JAK2: variants seen among roughly 807,000 people sequenced by gnomAD.
JAK2 encodes the protein Janus kinase 2, also known as tyrosine-protein kinase JAK2.
A neutral mutation model predicts 139.3 loss-of-function variants in JAK2; 86 were observed. The ratio of observed to expected loss-of-function variants is 0.62; its 90% CI spans 0.52 to 0.74. The LOEUF (loss-of-function observed/expected upper bound fraction) is 0.74, where lower values mean the gene tolerates loss of function less well. Among genes scored for constraint, JAK2 ranks in the 30% least tolerant of loss-of-function variants. The pLI, the probability that JAK2 is intolerant of heterozygous loss-of-function variation, is 0.00. For synonymous variants in JAK2, 490 were observed against 437.7 expected (o/e 1.12, Z -1.49); for missense variants, 1,421 against 1,360.3 (o/e 1.04, Z -0.70).
chr9:4,995,531 G>A (rs559668274), intron 2 of JAK2, among the ~76,000 whole-genome samples: 21 of 152,308 alleles, frequency 1.4e-4, no homozygotes, highest in African/African-American at 4.8e-4. Context: ...CTCTGCTGCT[G>A]TGAAATGCTG....
chr9:4,988,334 G>A (rs1026532664), intron 2 of JAK2, among the ~76,000 whole-genome samples: 4 of 152,170 alleles, frequency 2.6e-5, no homozygotes, highest in African/African-American at 9.6e-5. Flanking sequence ...ATTTTCAGAG[G>A]TTGCTCCGAT....
chr9:5,123,711 T>G (rs754851476), intron 23 of JAK2, among the ~76,000 whole-genome samples: 5 of 151,928 alleles, frequency 3.3e-5, no homozygotes, highest in African/African-American at 7.2e-5. Flanking sequence ...TATTTAGGTC[T>G]CTGAGAAATC....
At chr9:5,037,317 G>C (rs574996657) in intron 4 of JAK2, among the ~76,000 whole-genome samples, 1 of 152,244 alleles carries the variant, frequency 6.6e-6, no homozygotes, top group East Asian at 1.9e-4. Context: ...CAGGGATCTA[G>C]AACTAGAAAT....
At chr9:5,004,001 TAA>T (rs1821101354) in intron 2 of JAK2, among the ~76,000 whole-genome samples, 4 of 152,156 alleles carry the variant, frequency 2.6e-5, no homozygotes, top group Admixed American at 2.6e-4. Flanking sequence ...ATTGACTATT[TAA>T]AAAATTTTTT....
At chr9:5,067,496 G>T (rs1374400605) in intron 10 of JAK2, among the ~76,000 whole-genome samples, 2 of 151,974 alleles carry the variant, frequency 1.3e-5, no homozygotes, top group East Asian at 1.9e-4. Context: ...TTTATAAAAT[G>T]CAACTTATAT....
Position 5,055,705 on chromosome 9 carries a change from G to A in JAK2, c.973G>A (p.Asp325Asn). The A allele has an allele frequency of 6.3e-7, 1 of 1,585,456 alleles. No homozygotes were observed. The highest frequency in any genetic ancestry group is 8.7e-7 in the Non-Finnish European group (1 of 1,155,450). Reference sequence around the variant, plus strand: ...ATATTGCGATTTTCCTAATATTATTGATGTCAGTATTAAGCAAGCAAACCA... The same window carrying A: ...ATATTGCGATTTTCCTAATATTATTAATGTCAGTATTAAGCAAGCAAACCA... ...QLYCDFPNII[D>N]VSIKQANQEG... is the part of the protein sequence containing the mutation. Residue 325 changes from aspartate (D) to asparagine (N), a missense_variant, in exon 8 of 25, where the codon GAT becomes AAT. By Grantham distance (23) the Asp-to-Asn change is conservative (BLOSUM62 1). Coordinates refer to ENST00000381652, the MANE Select transcript of JAK2 (RefSeq NM_004972.4).
chr9:5,112,018 C>A, intron 22 of JAK2: 1 of 402,390 alleles, frequency 2.5e-6, no homozygotes, highest in Non-Finnish European at 5.0e-6. Context: ...TAGCCTGGAG[C>A]AGGAGTCCCT....
At chr9:5,039,355 A>G (rs147531329) in intron 4 of JAK2, among the ~76,000 whole-genome samples, 68 of 152,280 alleles carry the variant, frequency 4.5e-4, no homozygotes, top group African/African-American at 1.5e-3. Context: ...AGAATACGGT[A>G]TAACAACTAT....
At chr9:5,047,835 A>G (rs1206127308) in intron 5 of JAK2, among the ~76,000 whole-genome samples, 1 of 152,054 alleles carries the variant, frequency 6.6e-6, no homozygotes, top group Non-Finnish European at 1.5e-5. Context: ...ACCTGGCTTC[A>G]AATGATCCTC....
chr9:5,067,356 A>G (rs747774249), intron 10 of JAK2, among the ~76,000 whole-genome samples: 7 of 152,176 alleles, frequency 4.6e-5, no homozygotes, highest in African/African-American at 1.2e-4. Flanking sequence ...GATCTCATCT[A>G]TGATTATATA....
intron 22 of JAK2, among the ~76,000 whole-genome samples, chr9:5,116,626 T>C (rs984793003): frequency 6.6e-6 from 1 of 152,190 alleles, no homozygotes; most frequent in Non-Finnish European, 1.5e-5. Context: ...TTATACTTAA[T>C]GAATACAAGC....
intron 2 of JAK2, among the ~76,000 whole-genome samples, chr9:5,016,405 G>A (rs60552198): frequency 0.089 from 13,504 of 152,206 alleles, 1,760 homozygotes; most frequent in African/African-American, 0.29. Context: ...GTATGTGTGT[G>A]TGTTGAGGGC....
At chr9:5,041,931 C>G (rs959699760) in intron 4 of JAK2, 1 of 389,554 alleles carries the variant, frequency 2.6e-6, no homozygotes, top group Non-Finnish European at 4.9e-6. Flanking sequence ...CGAAATGCTG[C>G]TGTTTCTTCC....
At chr9:5,043,044 G>A (rs1490491439) in intron 4 of JAK2, among the ~76,000 whole-genome samples, 4 of 152,188 alleles carry the variant, frequency 2.6e-5, no homozygotes, top group Non-Finnish European at 5.9e-5. Flanking sequence ...GTGTGGAGGC[G>A]CGCGGGCTCG....
intron 23 of JAK2, among the ~76,000 whole-genome samples, chr9:5,125,549 A>C (rs938900779): frequency 6.6e-6 from 1 of 151,514 alleles, no homozygotes; most frequent in African/African-American, 2.4e-5. Flanking sequence ...AAAAGTTATG[A>C]ACTATTTTAA....
intron 22 of JAK2, among the ~76,000 whole-genome samples, chr9:5,095,525 C>T (rs1028215365): frequency 2.6e-5 from 4 of 152,100 alleles, no homozygotes; most frequent in Non-Finnish European, 5.9e-5. Flanking sequence ...ATAATAACAG[C>T]CCTAGTAATA....
At chr9:5,114,249 AC>A in intron 22 of JAK2, 1 of 535,196 alleles carries the variant, frequency 1.9e-6, no homozygotes, top group Non-Finnish European at 3.7e-6. Flanking sequence ...GCCCACAATC[AC>A]CTGTCTGGTG....
intron 8 of JAK2, among the ~76,000 whole-genome samples, chr9:5,056,865 A>G (rs905303371): frequency 6.6e-6 from 1 of 152,210 alleles, no homozygotes; most frequent in African/African-American, 2.4e-5. Flanking sequence ...AATACAGAGA[A>G]GTTAAGTAAC....
intron 22 of JAK2, among the ~76,000 whole-genome samples, chr9:5,105,650 C>T (rs939174022): frequency 2.6e-5 from 4 of 152,162 alleles, no homozygotes; most frequent in Admixed American, 1.3e-4. Context: ...CATCACACTA[C>T]GTAACTTCAA....
Sources: allele counts gnomAD v4.1 joint callset (sites outside exome capture counted in the v4.1 genomes callset), GRCh38; gene constraint gnomAD v4.1.1; transcripts MANE v1.5; gene names NCBI Gene and HGNC (gene_info 2026-07-23, HGNC 2026-07-21).